Variants in KIAA1549L observed in about 807,000 individuals in gnomAD.
The protein encoded by KIAA1549L is UPF0606 protein KIAA1549L.
In KIAA1549L, 88 loss-of-function variants were observed where a neutral mutation model predicts 160.7. The observed-to-expected ratio is 0.55, with a 90% confidence interval of 0.46 to 0.65. The LOEUF (loss-of-function observed/expected upper bound fraction) is 0.65, where lower values mean the gene tolerates loss of function less well. Ranked by LOEUF, KIAA1549L falls within the 30% of genes least tolerant of loss-of-function variation. KIAA1549L has a pLI of 0.00. For missense variants in KIAA1549L, 2,258 were observed against 2,437.5 expected (o/e 0.93, Z 1.55); for synonymous variants, 950 against 976.7 (o/e 0.97, Z 0.51).
At chr11:33,435,776 A>G (rs1248997944) in intron 1 of KIAA1549L, among the ~76,000 whole-genome samples, 167 of 9,890 alleles carry the variant, frequency 0.017, 25 homozygotes, top group African/African-American at 0.099. Context: ...ATATATATAT[A>G]TATATATATA....
intron 1 of KIAA1549L, among the ~76,000 whole-genome samples, chr11:33,480,263 C>G (rs905806542): frequency 3.3e-5 from 5 of 152,180 alleles, no homozygotes; most frequent in African/African-American, 1.2e-4. Context: ...CAGGCAACCG[C>G]CAATCTCCTT....
chr11:33,549,610 GAGGAAGCAAA>G (rs1304623420), intron 4 of KIAA1549L, among the ~76,000 whole-genome samples: 1 of 152,182 alleles, frequency 6.6e-6, no homozygotes, highest in African/African-American at 2.4e-5. Context: ...ACACAATGTG[GAGGAAGCAAA>G]GGCACACCCA....
chr11:33,537,949 A>G (rs747249689), intron 1 of KIAA1549L, among the ~76,000 whole-genome samples: 1 of 152,208 alleles, frequency 6.6e-6, no homozygotes, highest in African/African-American at 2.4e-5. Context: ...TTGGAATGAT[A>G]TGTGTATTAG....
At chr11:33,434,917 G>C (rs61887206) in intron 1 of KIAA1549L, among the ~76,000 whole-genome samples, 10,327 of 152,230 alleles carry the variant, frequency 0.068, 517 homozygotes, top group Non-Finnish European at 0.1. Context: ...AGTCCAGTGT[G>C]TTTGAAAGCC....
intron 1 of KIAA1549L, among the ~76,000 whole-genome samples, chr11:33,454,942 A>G (rs1338177723): frequency 1.3e-5 from 2 of 152,008 alleles, no homozygotes; most frequent in African/African-American, 4.8e-5. Context: ...ACAAAAAAAT[A>G]GCCGGGCGTG....
chr11:33,421,432 G>A (rs1851010064), intron 1 of KIAA1549L, among the ~76,000 whole-genome samples: 1 of 152,194 alleles, frequency 6.6e-6, no homozygotes, highest in Admixed American at 6.5e-5. Context: ...CAGCCGCATA[G>A]CATCACTACC....
intron 1 of KIAA1549L, among the ~76,000 whole-genome samples, chr11:33,382,096 A>G (rs910732086): frequency 1.3e-5 from 2 of 152,178 alleles, no homozygotes; most frequent in Admixed American, 6.5e-5. Context: ...AGCCATCAGC[A>G]TGGAAGCGAA....
chr11:33,422,428 G>C (rs1565129959), intron 1 of KIAA1549L, among the ~76,000 whole-genome samples: 3 of 151,908 alleles, frequency 2.0e-5, no homozygotes, highest in Admixed American at 2.0e-4. Flanking sequence ...TCCCCTGCTA[G>C]AAATCTTCTG....
Position 33,543,324 on chromosome 11 carries a change from A to C in KIAA1549L, c.1761A>C (p.Lys587Asn). ...TTCCTCTCCAGGCCTTTCCAAGGAA[A>C]GAGGTTTTGAGTCTTCACACTGTAA... is the stretch of plus-strand genomic sequence containing the variant. The part of the protein sequence containing the change: ...VTIPLQAFPR[K>N]EVLSLHTVNG... The change falls in exon 2 of 21, where the codon AAA becomes AAC. Residue 587 changes from lysine to asparagine, a missense_variant. Lys to Asn is a moderately conservative substitution (Grantham distance 94, BLOSUM62 0). Around this residue, in one of 6 missense-constraint regions of KIAA1549L, gnomAD observed 540 missense variants for 465.7 expected, o/e 1.16. Coordinates refer to ENST00000658780, the MANE Select transcript of KIAA1549L (RefSeq NM_012194.3). 6.2e-7 allele frequency: 1 copy of C among 1,614,064 alleles called. No individual in the cohort carries two copies.
chr11:33,395,387 A>G (rs1850353002), intron 1 of KIAA1549L, among the ~76,000 whole-genome samples: 1 of 152,248 alleles, frequency 6.6e-6, no homozygotes, highest in South Asian at 2.1e-4. Flanking sequence ...TTGAACAGCC[A>G]TAAGGTAAAT....
intron 1 of KIAA1549L, among the ~76,000 whole-genome samples, chr11:33,515,477 A>G (rs1394469410): frequency 1.3e-5 from 2 of 152,236 alleles, no homozygotes; most frequent in Non-Finnish European, 2.9e-5. Context: ...AGGAAGCCAC[A>G]GTCATATGAC....
At chr11:33,429,171 C>G (rs969412871) in intron 1 of KIAA1549L, among the ~76,000 whole-genome samples, 1 of 152,148 alleles carries the variant, frequency 6.6e-6, no homozygotes, top group Non-Finnish European at 1.5e-5. Flanking sequence ...GGGGTTTCAC[C>G]ATGTTGGCCA....
At position 33,381,339 on chromosome 11, in the gene KIAA1549L, G is replaced by T. The variant is rs550713032; in HGVS notation, c.238+4450G>T. Among the ~76,000 whole-genome samples, 16 of 152,332 alleles carry T rather than the reference G, an allele frequency of 1.1e-4. No individual in the cohort carries two copies. The South Asian group carries it at 2.9e-3, about 28-fold the overall frequency. Reference sequence around the variant, plus strand: ...TGAACTTGTCTAGATGGAGTGGTGAGAGGAGGCCTTTCTGAGGAGATGGCC... The same window carrying T: ...TGAACTTGTCTAGATGGAGTGGTGATAGGAGGCCTTTCTGAGGAGATGGCC... On this transcript the variant is annotated intron_variant, in intron 1 of 20. Coordinates refer to ENST00000658780, the MANE Select transcript of KIAA1549L (RefSeq NM_012194.3).
intron 1 of KIAA1549L, among the ~76,000 whole-genome samples, chr11:33,538,865 A>G (rs528231157): frequency 6.6e-6 from 1 of 152,304 alleles, no homozygotes; most frequent in South Asian, 2.1e-4. Flanking sequence ...GCCGGCCTAT[A>G]TTTCTCTTTT....
rs141837493 is a variant in KIAA1549L, at chr11:33,598,063, T to C, written c.4752-757T>C. Among the ~76,000 whole-genome samples, 955 of 152,266 alleles carry C rather than the reference T, an allele frequency of 6.3e-3. 19 individuals carry two copies. Among genetic ancestry groups the C allele is most frequent in the African/African-American group, 0.021 (892 of 41,542 alleles). ...GGGCATGGGGTGCTATCTTAGAGTC[T>C]CCACATATGTATATGTCTGGCACAG... On this transcript the variant is annotated intron_variant, in intron 12 of 20. Coordinates refer to ENST00000658780, the MANE Select transcript of KIAA1549L (RefSeq NM_012194.3).
intron 6 of KIAA1549L, among the ~76,000 whole-genome samples, chr11:33,553,149 A>G (rs1854524896): frequency 2.0e-5 from 3 of 152,256 alleles, no homozygotes; most frequent in Admixed American, 2.0e-4. Context: ...TTAAACATTT[A>G]AACAGCCCTT....
At chr11:33,487,121 A>C (rs1852544596) in intron 1 of KIAA1549L, among the ~76,000 whole-genome samples, 1 of 152,246 alleles carries the variant, frequency 6.6e-6, no homozygotes, top group Non-Finnish European at 1.5e-5. Flanking sequence ...GGAAAAGATA[A>C]CATCTAATAA....
chr11:33,609,576 G>C (rs144405647), intron 14 of KIAA1549L, among the ~76,000 whole-genome samples, 173 bp from the exon 15 acceptor site: 21 of 152,324 alleles, frequency 1.4e-4, no homozygotes, highest in Non-Finnish European at 2.8e-4. Context: ...AGTATCTATA[G>C]TCTACTGTTG....
At chr11:33,425,815 T>A (rs1287145827) in intron 1 of KIAA1549L, among the ~76,000 whole-genome samples, 2 of 152,236 alleles carry the variant, frequency 1.3e-5, no homozygotes, top group Non-Finnish European at 2.9e-5. Flanking sequence ...CAACATGTTC[T>A]CCTTATTTTG....
Sources: allele counts gnomAD v4.1 joint callset (sites outside exome capture counted in the v4.1 genomes callset), GRCh38; gene constraint gnomAD v4.1.1; regional missense constraint gnomAD v4.1.1; transcripts MANE v1.5; gene names NCBI Gene and HGNC (gene_info 2026-07-23, HGNC 2026-07-21).